RIPOR2: variants seen among roughly 807,000 people sequenced by gnomAD.
The protein encoded by RIPOR2 is RHO family interacting cell polarization regulator 2, also known as rho family-interacting cell polarization regulator 2.
RIPOR2 carries 39 observed loss-of-function variants against 114.5 expected under a neutral mutation model. The observed-to-expected ratio is 0.34, with a 90% CI of 0.26 to 0.44. RIPOR2 has a LOEUF of 0.44. Ranked by LOEUF, RIPOR2 falls within the 20% of genes least tolerant of loss-of-function variation. The pLI is 1.00. For synonymous variants in RIPOR2, 445 were observed against 484.4 expected (o/e 0.92, Z 1.07); for missense variants, 1,007 against 1,255.1 (o/e 0.80, Z 2.99).
chr6:24,996,131 A>C (rs1410487824), intron 1 of RIPOR2, among the ~76,000 whole-genome samples: 1 of 152,180 alleles, frequency 6.6e-6, no homozygotes, highest in Non-Finnish European at 1.5e-5. Flanking sequence ...TAGAAAATAA[A>C]ATTCCTTTAT....
At chr6:25,022,451 A>G (rs1224502585) in intron 1 of RIPOR2, among the ~76,000 whole-genome samples, 1 of 150,344 alleles carries the variant, frequency 6.7e-6, no homozygotes, top group African/African-American at 2.4e-5. Context: ...ATATACCTAC[A>G]GTTTGCTTAA....
At chr6:24,963,109 C>T (rs1773376970) in intron 1 of RIPOR2, among the ~76,000 whole-genome samples, 1 of 152,170 alleles carries the variant, frequency 6.6e-6, no homozygotes, top group Admixed American at 6.5e-5. Context: ...GCAATCTTGG[C>T]TCACTGCAAC....
rs10564019 is a variant in RIPOR2 at position 25,022,532 on chromosome 6, A to ATTT, written c.76+19316_76+19318dup. Among the ~76,000 whole-genome samples the ATTT allele has an allele frequency of 1.6e-3, 64 of 40,982 alleles. 4 individuals are homozygous for ATTT. Among genetic ancestry groups the ATTT allele is most frequent in the African/African-American group, 2.4e-3 (30 of 12,764 alleles). 26.9% of individuals were successfully genotyped at this position (40,982 alleles called of 152,430 possible). A position where few individuals can be genotyped will look rare whatever the true frequency, so the allele number is the denominator to read the frequency against. The stretch of plus-strand genomic sequence containing the variant: ...ACATATAACTAATGTGGTACCTTCC[A>ATTT]TTTTTTTTTTTTTTTTTTTTTTTTT... On this transcript the variant is annotated intron_variant, in intron 1 of 13. Coordinates refer to the RIPOR2 transcript ENST00000510784.
chr6:24,844,988 G>A (rs1310052598), intron 12 of RIPOR2, among the ~76,000 whole-genome samples: 1 of 151,846 alleles, frequency 6.6e-6, no homozygotes, highest in Non-Finnish European at 1.5e-5. Flanking sequence ...TGGGTCCCTG[G>A]TCCCATTGCT....
chr6:25,036,381 G>C (rs778984664), intron 1 of RIPOR2, among the ~76,000 whole-genome samples: 1 of 151,908 alleles, frequency 6.6e-6, no homozygotes, highest in Admixed American at 6.6e-5. Flanking sequence ...AGAGTTCAAC[G>C]GGTTTTTGTT....
chr6:24,844,712 G>A (rs368951463), intron 12 of RIPOR2, among the ~76,000 whole-genome samples: 28 of 151,952 alleles, frequency 1.8e-4, no homozygotes, highest in African/African-American at 6.3e-4. Flanking sequence ...CCTGACCTCA[G>A]GTGATCCGCC....
intron 1 of RIPOR2, 131 bp from the exon 2 acceptor site, chr6:24,875,948 A>T: frequency 1.2e-6 from 1 of 825,920 alleles, no homozygotes; most frequent in South Asian, 1.8e-5. Context: ...GTTCTTTATT[A>T]TGGAGTGTCC....
rs547313244 is a variant in RIPOR2 at position 25,033,578 on chromosome 6, T to G, written c.76+8273A>C. Among the ~76,000 whole-genome samples, 28 of 152,342 alleles carry G rather than the reference T, an allele frequency of 1.8e-4. No individual in the cohort carries two copies. In the South Asian group the frequency reaches 5.4e-3, roughly 29 times the overall value. ...GGGTATTACTGCTTCTAGATCCTTT[T>G]AGTGGACAGAGCTAGGAAGTATCTG... On this transcript the variant is annotated intron_variant, in intron 1 of 13. Coordinates refer to the RIPOR2 transcript ENST00000510784.
At chr6:24,906,574 C>G (rs1039147099) in intron 1 of RIPOR2, among the ~76,000 whole-genome samples, 1 of 152,116 alleles carries the variant, frequency 6.6e-6, no homozygotes, top group Non-Finnish European at 1.5e-5. Context: ...GTCACCTATC[C>G]AACTCAATTG....
chr6:24,954,432 C>T (rs1772930012), intron 1 of RIPOR2, among the ~76,000 whole-genome samples: 1 of 148,110 alleles, frequency 6.8e-6, no homozygotes. Flanking sequence ...ACCTGGTGAA[C>T]TGTGCAGGCC....
At chr6:25,029,072 A>T (rs1484446235) in intron 1 of RIPOR2, among the ~76,000 whole-genome samples, 1 of 152,146 alleles carries the variant, frequency 6.6e-6, no homozygotes, top group Non-Finnish European at 1.5e-5. Flanking sequence ...GTGGATCATG[A>T]ATTCAAGAGA....
chr6:24,852,722 T>G (rs373367442), intron 8 of RIPOR2, 104 bp from the exon 9 acceptor site: 15 of 862,944 alleles, frequency 1.7e-5, no homozygotes, highest in East Asian at 1.7e-4. Context: ...CAGAACTTTG[T>G]GCAAACTCAC....
intron 10 of RIPOR2, 102 bp from the exon 11 acceptor site, chr6:24,850,052 C>A: frequency 2.3e-6 from 2 of 861,422 alleles, no homozygotes; most frequent in Non-Finnish European, 3.5e-6. Flanking sequence ...TCATTTCTTT[C>A]AGAATCATAT....
chr6:24,986,661 G>A (rs578206465), intron 1 of RIPOR2, among the ~76,000 whole-genome samples: 2 of 152,256 alleles, frequency 1.3e-5, no homozygotes, highest in African/African-American at 2.4e-5. Flanking sequence ...TCTGCTTGGC[G>A]CTGGAGATCA....
intron 1 of RIPOR2, chr6:25,031,320 A>G (rs995625939): frequency 7.9e-5 from 12 of 152,228 alleles, no homozygotes; most frequent in African/African-American, 2.7e-4. Context: ...TGATAAGGAC[A>G]GAAAACAGAT....
At chr6:25,004,951 T>C (rs1775485098) in intron 1 of RIPOR2, among the ~76,000 whole-genome samples, 1 of 150,868 alleles carries the variant, frequency 6.6e-6, no homozygotes, top group Non-Finnish European at 1.5e-5. Flanking sequence ...ATGATCTGAA[T>C]CAAAAGCTAG....
chr6:24,963,459 T>C (rs141618497), intron 1 of RIPOR2, among the ~76,000 whole-genome samples: 1 of 152,338 alleles, frequency 6.6e-6, no homozygotes, highest in African/African-American at 2.4e-5. Context: ...CTTAAATCTC[T>C]AGATGATACC....
rs532328839 is a variant in RIPOR2, at chr6:24,835,169, C to T, written c.2208+534G>A. On this transcript the variant is annotated intron_variant, in intron 15 of 21. Coordinates refer to ENST00000643898, the MANE Select transcript of RIPOR2 (RefSeq NM_001286445.3). ...AGCTTGAGATGAGAAGGAAAATTAG[C>T]TCTGTGGTGTCCCAGAATGAGAGCT... Among the ~76,000 whole-genome samples the T allele has an allele frequency of 2.6e-5, 4 of 152,316 alleles. No individual in the cohort carries two copies. The East Asian group carries it at 7.7e-4, about 29-fold the overall frequency.
rs193111212 is a variant in RIPOR2 at position 24,961,068 on chromosome 6, G to A, written c.76+80783C>T. Among the ~76,000 whole-genome samples the A allele has an allele frequency of 9.5e-4, 144 of 152,228 alleles. 1 individual carries two copies. The highest frequency in any genetic ancestry group is 2.9e-3 in the African/African-American group (120 of 41,530). ...TGGGCAAGGTGCCATGCTGGACCCC[G>A]CTGAGAACACAAAGAACCATAAGGC... On this transcript the variant is annotated intron_variant, in intron 1 of 13. Coordinates refer to the RIPOR2 transcript ENST00000510784.
Sources: allele counts gnomAD v4.1 joint callset (sites outside exome capture counted in the v4.1 genomes callset), GRCh38; gene constraint gnomAD v4.1.1; transcripts MANE v1.5; gene names NCBI Gene and HGNC (gene_info 2026-07-23, HGNC 2026-07-21).